MALRD1: variants seen among roughly 807,000 people sequenced by gnomAD.
MALRD1 encodes MAM and LDL-receptor class A domain-containing protein 1.
In MALRD1, 247 loss-of-function variants were observed where a neutral mutation model predicts 242.1. The ratio of observed to expected loss-of-function variants is 1.02; its 90% CI spans 0.92 to 1.13. MALRD1 has a LOEUF of 1.13. MALRD1 is among the 50% of genes most tolerant of loss of function. MALRD1 has a pLI of 0.00. For synonymous variants in MALRD1, 995 were observed against 866.6 expected, an observed-to-expected ratio of 1.15 and a Z score of -2.60; for missense variants, 2,989 against 2,533.1, an observed-to-expected ratio of 1.18 and a Z score of -3.86.
intron 32 of MALRD1, among the ~76,000 whole-genome samples, chr10:19,560,772 T>G (rs887098515): frequency 6.6e-6 from 1 of 151,906 alleles, no homozygotes; most frequent in African/African-American, 2.4e-5. Flanking sequence ...TGAGAACATA[T>G]GGACACAGGG....
At chr10:19,306,125 A>ATATAGTATAGTATATATATACTATATAG (rs1183330280) in intron 21 of MALRD1, among the ~76,000 whole-genome samples, 13 of 82,532 alleles carry the variant, frequency 1.6e-4, no homozygotes, top group African/African-American at 3.5e-4. Context: ...ACTATCTAGT[A>ATATAGTATAGTATATATATACTATATAG]TATATAGTAT....
chr10:19,443,768 G>A (rs1205437956), intron 28 of MALRD1, among the ~76,000 whole-genome samples: 2 of 152,186 alleles, frequency 1.3e-5, no homozygotes, highest in Non-Finnish European at 2.9e-5. Context: ...GAATAAGTGT[G>A]ATGTGGTGCT....
chr10:19,489,537 C>T (rs907840907), intron 29 of MALRD1: 71 of 578,550 alleles, frequency 1.2e-4, no homozygotes, highest in Non-Finnish European at 5.0e-5. Flanking sequence ...AGGAGGGAAT[C>T]CCATCTCATC....
At chr10:19,152,663 A>T (rs1833986648) in intron 11 of MALRD1, among the ~76,000 whole-genome samples, 1 of 152,140 alleles carries the variant, frequency 6.6e-6, no homozygotes, top group African/African-American at 2.4e-5. Flanking sequence ...TAATTGTGTA[A>T]TATATCTGTT....
intron 18 of MALRD1, among the ~76,000 whole-genome samples, chr10:19,243,063 C>CTT (rs369350269): frequency 0.026 from 3,515 of 135,910 alleles, 116 homozygotes; most frequent in East Asian, 0.15. Flanking sequence ...TTTCTTTTCC[C>CTT]TTTTTTTTTT....
intron 4 of MALRD1, among the ~76,000 whole-genome samples, chr10:19,090,600 C>A (rs1835846102): frequency 9.2e-5 from 1 of 10,842 alleles, no homozygotes; most frequent in Non-Finnish European, 1.4e-4. Context: ...TGCCTGATTG[C>A]CCTGGCCAGA....
intron 35 of MALRD1, among the ~76,000 whole-genome samples, chr10:19,612,623 A>G (rs908204607): frequency 7.2e-5 from 11 of 151,982 alleles, no homozygotes; most frequent in Non-Finnish European, 1.3e-4. Context: ...TTTATTTAAA[A>G]AAAAAATAGG....
chr10:19,178,881 A>G (rs189840090), intron 14 of MALRD1, among the ~76,000 whole-genome samples: 51 of 152,300 alleles, frequency 3.3e-4, no homozygotes, highest in Middle Eastern at 6.8e-3. Flanking sequence ...GTACATATTT[A>G]CTCTCTGAAC....
rs181752626 is a variant in MALRD1, at chr10:19,683,599, G to C, written c.6138-8683G>C. 3.8e-3 allele frequency among the ~76,000 whole-genome samples: 583 copies of C among 152,186 alleles called. 8 individuals are homozygous for C. The highest frequency in any genetic ancestry group is 0.031 in the Admixed American group (474 of 15,282). On this transcript the variant is annotated intron_variant, in intron 36 of 39. Coordinates refer to ENST00000454679, the MANE Select transcript of MALRD1 (RefSeq NM_001142308.3). The stretch of plus-strand genomic sequence containing the variant: ...TCTCTTTCCAGCATCACAGCTGCCT[G>C]TCTATATCTTGAGATGTTTGCAGGA...
intron 5 of MALRD1, among the ~76,000 whole-genome samples, chr10:19,106,860 A>G (rs1000444892): frequency 6.6e-6 from 1 of 151,868 alleles, no homozygotes; most frequent in African/African-American, 2.4e-5. Context: ...GGAATATTTA[A>G]ATGTTCTATT....
intron 18 of MALRD1, among the ~76,000 whole-genome samples, chr10:19,229,787 G>A (rs1588731640): frequency 6.6e-6 from 1 of 151,900 alleles, no homozygotes; most frequent in Non-Finnish European, 1.5e-5. Flanking sequence ...CTCTATATCT[G>A]CTGTTCCCAG....
Position 19,539,344 on chromosome 10 carries a change from A to G in MALRD1, c.5478+7993A>G, listed in dbSNP as rs1230831583. On this transcript the variant is annotated intron_variant, in intron 32 of 39. Coordinates refer to ENST00000454679, the MANE Select transcript of MALRD1 (RefSeq NM_001142308.3). Reference sequence around the variant, plus strand: ...TCTCTACTCTATCCTTATAACTACTATGCTTTTCTGCCTTTCAGAACTAGA... The same window carrying G: ...TCTCTACTCTATCCTTATAACTACTGTGCTTTTCTGCCTTTCAGAACTAGA... 3.3e-5 allele frequency among the ~76,000 whole-genome samples: 5 copies of G among 152,210 alleles called. No homozygotes were observed. The East Asian group carries it at 5.8e-4, about 18-fold the overall frequency.
chr10:19,108,104 C>G (rs999655938), intron 5 of MALRD1, among the ~76,000 whole-genome samples: 1 of 152,120 alleles, frequency 6.6e-6, no homozygotes, highest in Non-Finnish European at 1.5e-5. Flanking sequence ...TTCATCTTTT[C>G]TCCCTCTGGA....
chr10:19,285,798 T>G (rs1408694806), intron 21 of MALRD1, among the ~76,000 whole-genome samples: 2 of 114,510 alleles, frequency 1.7e-5, no homozygotes, highest in Non-Finnish European at 3.6e-5. Flanking sequence ...AGAAAGTCAT[T>G]GGTAGCTTGA....
intron 28 of MALRD1, among the ~76,000 whole-genome samples, chr10:19,410,737 A>G (rs10827376): frequency 0.72 from 108,256 of 149,578 alleles, 39,536 homozygotes; most frequent in African/African-American, 0.78. Flanking sequence ...AGGAAGAGTC[A>G]AGAATAAATG....
In MALRD1 at chr10:19,645,547, CA is replaced by C. The variant is rs542366597; in HGVS notation, c.6137+29625del. On this transcript the variant is annotated intron_variant, in intron 36 of 39. Transcript: ENST00000454679. ...TACACACTGTGGAATACTATGCAGC[CA>C]TAAAAAATGATGAGTTCATGTCCTT... 4.7e-4 allele frequency among the ~76,000 whole-genome samples: 71 copies of C among 152,246 alleles called. No homozygotes were observed. In the South Asian group the frequency reaches 7.3e-3, roughly 16 times the overall value.
At chr10:19,456,896 G>C (rs3864831) in intron 29 of MALRD1, among the ~76,000 whole-genome samples, 2 of 151,368 alleles carry the variant, frequency 1.3e-5, no homozygotes, top group Non-Finnish European at 2.9e-5. Context: ...CCTCAGCCTC[G>C]TGAGTAGCCG....
intron 21 of MALRD1, among the ~76,000 whole-genome samples, chr10:19,286,932 GCAAACCGAA>G (rs1470727797): frequency 6.6e-6 from 1 of 150,660 alleles, no homozygotes. Flanking sequence ...TAAAATACTG[GCAAACCGAA>G]TCCAGCAGCA....
rs1191164268 is a variant in MALRD1 at position 19,389,580 on chromosome 10, G to A, written c.4816G>A (p.Ala1606Thr). 6.4e-7 allele frequency: 1 copy of A among 1,550,516 alleles called. No homozygotes were observed. Among genetic ancestry groups the A allele is most frequent in the East Asian group, 2.4e-5 (1 of 40,892 alleles). Residue 1606 changes from alanine (A) to threonine (T), a missense_variant, in exon 28 of 40, where the codon GCC becomes ACC. By Grantham distance (58) the Ala-to-Thr change is moderately conservative. Coordinates refer to ENST00000454679, the MANE Select transcript of MALRD1 (RefSeq NM_001142308.3). Reference protein sequence around the residue: ...MSFWYFVSAKATGSIQILIKT... With the variant: ...MSFWYFVSAKTTGSIQILIKT... ...CTTCTGGTATTTCGTATCTGCAAAG[G>A]CCACAGGATCCATTCAGATTCTCAT...
Sources: allele counts gnomAD v4.1 joint callset (sites outside exome capture counted in the v4.1 genomes callset), GRCh38; gene constraint gnomAD v4.1.1; transcripts MANE v1.5; gene names NCBI Gene and HGNC (gene_info 2026-07-23, HGNC 2026-07-21).